Variants in KCNK3 observed in about 807,000 individuals in gnomAD.
KCNK3 encodes potassium two pore domain channel subfamily K member 3.
Under a neutral mutation model 27.3 loss-of-function variants are expected in KCNK3, and 9 were observed. The observed-to-expected ratio is 0.33, with a 90% CI of 0.20 to 0.57. The LOEUF is 0.57. KCNK3 is among the 20% of genes least tolerant of loss of function. The probability of loss-of-function intolerance (pLI) is 0.87; values close to 1 mark genes in which losing one functional copy is unlikely to be tolerated. For missense variants in KCNK3, 391 were observed against 577.7 expected (o/e 0.68, Z 3.31); for synonymous variants, 278 against 273.8 (o/e 1.02, Z -0.15).
chr2:26,718,911 T>C (rs1465563818), intron 1 of KCNK3, among the ~76,000 whole-genome samples: 3 of 152,194 alleles, frequency 2.0e-5, no homozygotes, highest in Non-Finnish European at 2.9e-5. Context: ...CCCAGCCACA[T>C]TTTTCATATT....
chr2:26,699,427 C>A (rs1445231000), intron 1 of KCNK3, among the ~76,000 whole-genome samples: 1 of 152,084 alleles, frequency 6.6e-6, no homozygotes, highest in Non-Finnish European at 1.5e-5. Flanking sequence ...AGAAGACACA[C>A]GCCTGGCCAC....
intron 1 of KCNK3, among the ~76,000 whole-genome samples, chr2:26,727,263 C>T (rs752004215): frequency 3.3e-5 from 5 of 152,146 alleles, no homozygotes; most frequent in Non-Finnish European, 5.9e-5. Context: ...AACTAGAATC[C>T]AGCTCTCCCA....
intron 1 of KCNK3, among the ~76,000 whole-genome samples, chr2:26,723,217 A>G (rs930801229): frequency 6.6e-6 from 1 of 152,216 alleles, no homozygotes; most frequent in African/African-American, 2.4e-5. Context: ...AATAAGCCAC[A>G]GGGAGAGAAA....
At position 26,733,205 on chromosome 2, in the gene KCNK3, G is replaced by A. The variant is rs1411603489; in HGVS notation, c.*4637G>A. On this transcript the variant is annotated 3_prime_UTR_variant, in exon 2 of 2. Transcript: ENST00000302909. ...CAGATCCCCGCTGATTTGGTTACTC[G>A]GGGTGAGCATCAGATGGAAATAGAA... 2 of 152,186 alleles carry A rather than the reference G, an allele frequency of 1.3e-5. No homozygotes were observed. Among genetic ancestry groups the A allele is most frequent in the Non-Finnish European group, 2.9e-5 (2 of 68,040 alleles). 9.4% of individuals were successfully genotyped at this position (152,186 alleles called of 1,614,324 possible).
chr2:26,702,722 G>T (rs1670324850), intron 1 of KCNK3, among the ~76,000 whole-genome samples: 1 of 152,146 alleles, frequency 6.6e-6, no homozygotes, highest in African/African-American at 2.4e-5. Context: ...AAGCAGAACT[G>T]GTAGGAGATA....
intron 1 of KCNK3, among the ~76,000 whole-genome samples, chr2:26,695,871 C>G (rs926234126): frequency 6.6e-6 from 1 of 152,186 alleles, no homozygotes; most frequent in Non-Finnish European, 1.5e-5. Flanking sequence ...AGACCACCCC[C>G]CTGGTTCTGT....
intron 1 of KCNK3, among the ~76,000 whole-genome samples, chr2:26,711,680 G>T (rs1367885759): frequency 6.6e-6 from 1 of 152,242 alleles, no homozygotes; most frequent in African/African-American, 2.4e-5. Flanking sequence ...CAATAGGGTC[G>T]TTTGAAGATT....
rs1321028147 is a variant in KCNK3, at chr2:26,727,832, G to A, written c.449G>A (p.Arg150Gln). Reference protein sequence around the residue: ...LHRAKKGLGMRRADVSMANMV... With the variant: ...LHRAKKGLGMQRADVSMANMV... ...CGCGCCAAGAAGGGGCTGGGCATGC[G>A]GCGCGCCGACGTGTCCATGGCCAAC... is the stretch of plus-strand genomic sequence containing the variant. Residue 150 changes from arginine to glutamine, a missense_variant, in exon 2 of 2, where the codon CGG becomes CAG. Physicochemically the swap from Arg to Gln is conservative, Grantham distance 43. Around this residue, in one of 4 missense-constraint regions of KCNK3, gnomAD observed 158 missense variants for 267.7 expected, o/e 0.59. Transcript: ENST00000302909. 1.2e-6 allele frequency: 2 copies of A among 1,612,016 alleles called. No individual in the cohort carries two copies. Among genetic ancestry groups the A allele is most frequent in the African/African-American group, 2.7e-5 (2 of 75,022 alleles).
In KCNK3 at chr2:26,728,033, A is replaced by G; in HGVS notation, c.650A>G (p.Gln217Arg). 1 of 1,614,222 alleles carries G rather than the reference A, an allele frequency of 6.2e-7. No individual in the cohort carries two copies. Among genetic ancestry groups the G allele is most frequent in the South Asian group, 1.1e-5 (1 of 91,084 alleles). ...ALQKDQALQTQPQYVAFSFVY... is the reference protein window; with the variant it reads ...ALQKDQALQTRPQYVAFSFVY... The stretch of plus-strand genomic sequence containing the variant: ...CAGAAGGACCAGGCCCTGCAGACGC[A>G]GCCGCAGTACGTGGCCTTCAGCTTC... Residue 217 changes from glutamine to arginine, a missense_variant, in exon 2 of 2, where the codon CAG (glutamine) becomes CGG (arginine). Gln to Arg is a conservative substitution (Grantham distance 43). This residue lies in a region of KCNK3 where 38 missense variants were observed against 80.5 expected (regional missense o/e 0.47). Transcript: ENST00000302909.
intron 1 of KCNK3, among the ~76,000 whole-genome samples, chr2:26,694,918 C>A (rs1021593914): frequency 6.6e-6 from 1 of 152,116 alleles, no homozygotes; most frequent in African/African-American, 2.4e-5. Flanking sequence ...CCCAACTGAC[C>A]TCCCTGCCTA....
At chr2:26,702,639 C>T (rs1178814300) in intron 1 of KCNK3, among the ~76,000 whole-genome samples, 7 of 152,102 alleles carry the variant, frequency 4.6e-5, no homozygotes, top group African/African-American at 9.7e-5. Context: ...CTTCCCATCA[C>T]AGGAAGTATA....
chr2:26,727,466 C>T (rs1303134072), intron 1 of KCNK3, among the ~76,000 whole-genome samples: 2 of 152,216 alleles, frequency 1.3e-5, no homozygotes, highest in East Asian at 3.8e-4. Context: ...TTCCTACATA[C>T]CTTCTGCAGG....
intron 1 of KCNK3, among the ~76,000 whole-genome samples, chr2:26,726,527 A>C (rs1572615400): frequency 6.6e-6 from 1 of 152,234 alleles, no homozygotes; most frequent in African/African-American, 2.4e-5. Flanking sequence ...TATGTTAATA[A>C]AAGTAGTAAA....
At chr2:26,707,462 C>T (rs1256759075) in intron 1 of KCNK3, among the ~76,000 whole-genome samples, 1 of 152,224 alleles carries the variant, frequency 6.6e-6, no homozygotes, top group South Asian at 2.1e-4. Context: ...GCCAGGGTAC[C>T]GGGAGCTGTG....
intron 1 of KCNK3, among the ~76,000 whole-genome samples, chr2:26,715,176 G>C (rs1663206745): frequency 6.6e-6 from 1 of 152,252 alleles, no homozygotes; most frequent in Non-Finnish European, 1.5e-5. Context: ...GTGTGGGCTT[G>C]AATGAGTCAT....
chr2:26,695,314 T>C (rs1670221441), intron 1 of KCNK3, among the ~76,000 whole-genome samples: 1 of 152,188 alleles, frequency 6.6e-6, no homozygotes. Context: ...CTCAAACCCC[T>C]GGCCTCAAGC....
intron 1 of KCNK3, among the ~76,000 whole-genome samples, chr2:26,718,030 C>G (rs1663263045): frequency 6.6e-6 from 1 of 152,108 alleles, no homozygotes; most frequent in Non-Finnish European, 1.5e-5. Context: ...ACCATGCATC[C>G]ACTCTCCTCC....
intron 1 of KCNK3, among the ~76,000 whole-genome samples, chr2:26,699,640 G>A (rs1254380130): frequency 6.6e-6 from 1 of 152,176 alleles, no homozygotes; most frequent in Non-Finnish European, 1.5e-5. Context: ...CTCTAACTGA[G>A]ACCACTGGGG....
At position 26,721,110 on chromosome 2, in the gene KCNK3, G is replaced by A. The variant is rs144424178; in HGVS notation, c.284-6557G>A. Among the ~76,000 whole-genome samples the A allele has an allele frequency of 2.0e-5, 3 of 152,122 alleles. No individual in the cohort carries two copies. Among genetic ancestry groups the A allele is most frequent in the Non-Finnish European group, 4.4e-5 (3 of 67,994 alleles). On this transcript the variant is annotated intron_variant, in intron 1 of 1. Transcript: ENST00000302909. This position sits in a 1 kb window ranked among gnomAD's most constrained non-coding sequence, Gnocchi z 4.3. ...GGGGTGGTTTCTCATCACCATCCCA[G>A]ACCTCAGAGTCCTTCAGAACTGGAG...
Sources: allele counts gnomAD v4.1 joint callset (sites outside exome capture counted in the v4.1 genomes callset), GRCh38; gene constraint gnomAD v4.1.1; regional missense constraint gnomAD v4.1.1; non-coding constraint Gnocchi (gnomAD v3.1); transcripts MANE v1.5; gene names NCBI Gene and HGNC (gene_info 2026-07-23, HGNC 2026-07-21).